Variants in FLRT2 observed in about 807,000 individuals in gnomAD.
The protein encoded by FLRT2 is leucine-rich repeat transmembrane protein FLRT2.
Under a neutral mutation model 40.0 loss-of-function variants are expected in FLRT2, and 15 were observed. The observed-to-expected ratio is 0.38, with a 90% CI of 0.25 to 0.58. The LOEUF is 0.58. Ranked by LOEUF, FLRT2 falls within the 20% of genes least tolerant of loss-of-function variation. The pLI is 0.71. For synonymous variants in FLRT2, 380 were observed against 336.8 expected (o/e 1.13, Z -1.41); for missense variants, 726 against 840.0 (o/e 0.86, Z 1.68).
At chr14:85,616,187 G>T (rs1893123681) in intron 1 of FLRT2, among the ~76,000 whole-genome samples, 1 of 151,942 alleles carries the variant, frequency 6.6e-6, no homozygotes, top group South Asian at 2.1e-4. Flanking sequence ...TGAAGCTATG[G>T]TCTCCTTTAA....
At chr14:85,571,607 A>G (rs1386330615) in intron 1 of FLRT2, among the ~76,000 whole-genome samples, 2 of 152,180 alleles carry the variant, frequency 1.3e-5, no homozygotes, top group Non-Finnish European at 2.9e-5. Context: ...TGTGCTTACC[A>G]TGGTGGAGTG....
At chr14:85,563,525 C>T (rs1051514195) in intron 1 of FLRT2, among the ~76,000 whole-genome samples, 1 of 152,124 alleles carries the variant, frequency 6.6e-6, no homozygotes, top group Non-Finnish European at 1.5e-5. Flanking sequence ...GAAGCAGGCA[C>T]CTTCTTCACA....
chr14:85,644,680 C>T lies in FLRT2; in HGVS notation c.*21183C>T, dbSNP rs8003048. The T allele has an allele frequency of 0.33, 49,948 of 151,988 alleles. 8,850 individuals carry two copies. Among genetic ancestry groups the T allele is most frequent in the Non-Finnish European group, 0.4 (27,102 of 67,962 alleles). 9.4% of individuals were successfully genotyped at this position (151,988 alleles called of 1,614,324 possible). A position where few individuals can be genotyped will look rare whatever the true frequency, so the allele number is the denominator to read the frequency against. On this transcript the variant is annotated 3_prime_UTR_variant, in exon 2 of 2. Coordinates refer to ENST00000330753, the MANE Select transcript of FLRT2 (RefSeq NM_013231.6). ...CCTGGATGTTTGAAGGCAACATATA[C>T]TAGTTTTAGATGCGCTGCTTCGATA...
intron 1 of FLRT2, among the ~76,000 whole-genome samples, chr14:85,558,906 G>A (rs1407536926): frequency 6.6e-6 from 1 of 152,248 alleles, no homozygotes; most frequent in Non-Finnish European, 1.5e-5. Flanking sequence ...AAAGGAACTA[G>A]TTATTTGCAT....
In FLRT2 at chr14:85,636,900, G is replaced by A. The variant is rs1003042040; in HGVS notation, c.*13403G>A. On this transcript the variant is annotated 3_prime_UTR_variant, in exon 2 of 2. Coordinates refer to ENST00000330753, the MANE Select transcript of FLRT2 (RefSeq NM_013231.6). ...GCTGAGATAGTGCCACTGCATTCTA[G>A]CCTGGGTGACAGAGCGATACTTCGT... 4 of 123,276 alleles carry A rather than the reference G, an allele frequency of 3.2e-5. No individual in the cohort carries two copies. The highest frequency in any genetic ancestry group is 4.7e-5 in the Non-Finnish European group (3 of 63,710). The allele number at this position is 123,276 out of a possible 1,614,324, so 7.6% of individuals were successfully genotyped here.
intron 1 of FLRT2, among the ~76,000 whole-genome samples, chr14:85,572,071 T>C (rs780151679): frequency 2.0e-5 from 3 of 152,218 alleles, no homozygotes; most frequent in Non-Finnish European, 4.4e-5. Flanking sequence ...GGCCTCACTG[T>C]TGTGTCTGGC....
Position 85,582,843 on chromosome 14 carries a change from C to T in FLRT2, c.-376-38296C>T, listed in dbSNP as rs1378107029. 2.0e-5 allele frequency among the ~76,000 whole-genome samples: 3 copies of T among 151,766 alleles called. No homozygotes were observed. The East Asian group carries it at 5.8e-4, about 29-fold the overall frequency. The stretch of plus-strand genomic sequence containing the variant: ...AAGTAGCGGCTAGCAGAAAGGACCT[C>T]ATTTTATAAGATTCTGTGTAGGTTG... On this transcript the variant is annotated intron_variant, in intron 1 of 1. Transcript: ENST00000330753.
intron 1 of FLRT2, among the ~76,000 whole-genome samples, chr14:85,613,504 C>A (rs1197768089): frequency 2.0e-5 from 3 of 152,062 alleles, no homozygotes; most frequent in Non-Finnish European, 1.5e-5. Context: ...CTTTAGGTAG[C>A]TTAAAACTCT....
At position 85,631,902 on chromosome 14, in the gene FLRT2, T is replaced by C. The variant is rs1025956733; in HGVS notation, c.*8405T>C. ...GTGCAGTGGCACAAGCTCGGCTCAC[T>C]GCAACCTCCGCCTCCCGGGTTCAAG... On this transcript the variant is annotated 3_prime_UTR_variant, in exon 2 of 2. Transcript: ENST00000330753. The C allele has an allele frequency of 1.3e-5, 2 of 152,156 alleles. No homozygotes were observed. The highest frequency in any genetic ancestry group is 1.3e-4 in the Admixed American group (2 of 15,268). The allele number at this position is 152,156 out of a possible 1,614,324, so 9.4% of individuals were successfully genotyped here.
intron 1 of FLRT2, among the ~76,000 whole-genome samples, chr14:85,580,847 A>G (rs1891356822): frequency 6.6e-6 from 1 of 152,176 alleles, no homozygotes. Flanking sequence ...AAAAAAAGAA[A>G]TCCCTCATTT....
At chr14:85,546,018 GC>G (rs1314663943) in intron 1 of FLRT2, among the ~76,000 whole-genome samples, 1 of 152,174 alleles carries the variant, frequency 6.6e-6, no homozygotes, top group African/African-American at 2.4e-5. Context: ...CAGGCGGTAA[GC>G]TTTTATTGGG....
chr14:85,533,398 C>CT (rs1218028975), intron 1 of FLRT2, among the ~76,000 whole-genome samples: 1 of 152,024 alleles, frequency 6.6e-6, no homozygotes, highest in Non-Finnish European at 1.5e-5. Flanking sequence ...GGGCGCAGCA[C>CT]TTGGAGCGAG....
At chr14:85,616,801 A>C (rs560714311) in intron 1 of FLRT2, among the ~76,000 whole-genome samples, 1 of 152,292 alleles carries the variant, frequency 6.6e-6, no homozygotes, top group Non-Finnish European at 1.5e-5. Context: ...CTTAACTTTT[A>C]AGCCTCATGA....
At chr14:85,565,166 T>C (rs968675399) in intron 1 of FLRT2, among the ~76,000 whole-genome samples, 6 of 152,246 alleles carry the variant, frequency 3.9e-5, no homozygotes, top group Non-Finnish European at 7.3e-5. Context: ...AAAACAGTTT[T>C]GTTTTGTTTT....
intron 1 of FLRT2, among the ~76,000 whole-genome samples, chr14:85,558,383 G>C (rs1890105957): frequency 6.6e-6 from 1 of 152,148 alleles, no homozygotes; most frequent in South Asian, 2.1e-4. Context: ...GTAGGTGGGA[G>C]AGAAGGAGGA....
At chr14:85,586,535 A>G (rs979344326) in intron 1 of FLRT2, among the ~76,000 whole-genome samples, 2 of 146,456 alleles carry the variant, frequency 1.4e-5, no homozygotes, top group East Asian at 4.0e-4. Flanking sequence ...TGTTCTTACT[A>G]TAATAAAATG....
In FLRT2 at chr14:85,610,837, ATTTCC is replaced by A. The variant is rs567839910; in HGVS notation, c.-376-10299_-376-10295del. Among the ~76,000 whole-genome samples, 199 of 152,196 alleles carry A rather than the reference ATTTCC, an allele frequency of 1.3e-3. 1 individual carries two copies. The highest frequency in any genetic ancestry group is 4.5e-3 in the African/African-American group (185 of 41,514). On this transcript the variant is annotated intron_variant, in intron 1 of 1. Transcript: ENST00000330753. ...TTATCATCGTCTATGACACTTCTTT[ATTTCC>A]TTCATGACGTTGCTTACAATTTTAT... is the stretch of plus-strand genomic sequence containing the variant.
At chr14:85,614,017 G>A (rs1893012473) in intron 1 of FLRT2, among the ~76,000 whole-genome samples, 1 of 152,182 alleles carries the variant, frequency 6.6e-6, no homozygotes, top group South Asian at 2.1e-4. Context: ...GTTGTTTAAA[G>A]CTAATCTTAG....
Position 85,623,738 on chromosome 14 carries a change from A to G in FLRT2, c.*241A>G. The G allele has an allele frequency of 2.6e-6, 1 of 384,986 alleles. No individual in the cohort carries two copies. Among genetic ancestry groups the G allele is most frequent in the East Asian group, 4.1e-5 (1 of 24,474 alleles). The allele number at this position is 384,986 out of a possible 1,614,324, so 23.8% of individuals were successfully genotyped here. A position where few individuals can be genotyped will look rare whatever the true frequency, so the allele number is the denominator to read the frequency against. ...CTTTGCTTTTTAAATCTTAAAAAAA[A>G]AAAAGTTGCTGAAGTACTGTACAGG... On this transcript the variant is annotated 3_prime_UTR_variant, in exon 2 of 2. Coordinates refer to ENST00000330753, the MANE Select transcript of FLRT2 (RefSeq NM_013231.6).
Sources: gnomAD v4.1 joint callset for allele counts (sites outside exome capture counted in the v4.1 genomes callset) on GRCh38, gnomAD v4.1.1 for gene constraint, MANE v1.5 for transcripts, NCBI Gene and HGNC (gene_info 2026-07-23, HGNC 2026-07-21) for gene names.